Variants in OTOF observed in about 807,000 individuals in gnomAD.
OTOF encodes the protein otoferlin, also known as fer-1-like family member 2.
Under a neutral mutation model 236.8 loss-of-function variants are expected in OTOF, and 218 were observed. The ratio of observed to expected loss-of-function variants is 0.92; its 90% CI spans 0.82 to 1.03. The LOEUF (loss-of-function observed/expected upper bound fraction) is 1.03, where lower values mean the gene tolerates loss of function less well. Among genes scored for constraint, OTOF ranks in the 50% least tolerant of loss-of-function variants. The pLI is 0.00. For missense variants in OTOF, 2,590 were observed against 2,694.4 expected, an observed-to-expected ratio of 0.96 and a Z score of 0.86; for synonymous variants, 1,041 against 1,072.5, an observed-to-expected ratio of 0.97 and a Z score of 0.57.
intron 5 of OTOF, among the ~76,000 whole-genome samples, chr2:26,508,661 T>C (rs529427221): frequency 6.6e-6 from 1 of 152,244 alleles, no homozygotes; most frequent in Non-Finnish European, 1.5e-5. Context: ...TATCCCAGAA[T>C]GTCACACACT....
intron 1 of OTOF, among the ~76,000 whole-genome samples, chr2:26,551,095 T>A (rs1667450947): frequency 1.3e-5 from 2 of 152,218 alleles, no homozygotes; most frequent in African/African-American, 4.8e-5. Context: ...GTTCAAGCGA[T>A]TCTCCTGCCT....
rs901862524 is a variant in OTOF, at chr2:26,461,220, A to G, written c.5534-190T>C. On this transcript the variant is annotated intron_variant, in intron 43 of 46. Coordinates refer to ENST00000272371, the MANE Select transcript of OTOF (RefSeq NM_194248.3). The surrounding 1 kb of genome is among the most constrained non-coding windows in gnomAD (Gnocchi z 6.2). ...CCTCGTGGGCTTGCTAGGCAGCCCC[A>G]GCCCCCATGCTTTACTCAGGTCCTT... Among the ~76,000 whole-genome samples, 1 of 152,112 alleles carries G rather than the reference A, an allele frequency of 6.6e-6. No homozygotes were observed. The highest frequency in any genetic ancestry group is 1.5e-5 in the Non-Finnish European group (1 of 67,992).
In OTOF at chr2:26,470,700, TCTTCTC is replaced by T. The variant is rs1471564225; in HGVS notation, c.3910_3915del (p.Glu1304_Lys1305del). Reference sequence around the variant, plus strand: ...TCCGCAGTGCCCTTCTTCTTCTTCTTCTTCTCCTTCTCCTCCTCAGCCTGCAGGTTG... The same window carrying T: ...TCCGCAGTGCCCTTCTTCTTCTTCTTCTTCTCCTCCTCAGCCTGCAGGTTG... On this transcript the variant is annotated inframe_deletion, in exon 32 of 47. Transcript: ENST00000272371. The surrounding 1 kb of genome is among the most constrained non-coding windows in gnomAD (Gnocchi z 4.3). 1.2e-6 allele frequency: 2 copies of T among 1,613,434 alleles called. No individual in the cohort carries two copies. Among genetic ancestry groups the T allele is most frequent in the East Asian group, 2.2e-5 (1 of 44,886 alleles).
chr2:26,477,954 G>A lies in OTOF; in HGVS notation c.2215-205C>T. 1 of 1,352,770 alleles carries A rather than the reference G, an allele frequency of 7.4e-7. No individual in the cohort carries two copies. Among genetic ancestry groups the A allele is most frequent in the Non-Finnish European group, 9.4e-7 (1 of 1,066,844 alleles). 83.8% of individuals were successfully genotyped at this position (1,352,770 alleles called of 1,614,324 possible). A position where few individuals can be genotyped will look rare whatever the true frequency, so the allele number is the denominator to read the frequency against. Reference sequence around the variant, plus strand: ...AACCTGGAGATGTTGGTGTTCATGGGGGTTCTTCAGTTCCTGAAGGAAGAA... The same window carrying A: ...AACCTGGAGATGTTGGTGTTCATGGAGGTTCTTCAGTTCCTGAAGGAAGAA... On this transcript the variant is annotated intron_variant, in intron 18 of 46. Transcript: ENST00000272371. This position sits in a 1 kb window ranked among gnomAD's most constrained non-coding sequence, Gnocchi z 4.7.
chr2:26,495,137 G>T, intron 8 of OTOF, 64 bp from the exon 9 acceptor site: 5 of 1,585,872 alleles, frequency 3.2e-6, no homozygotes, highest in Non-Finnish European at 4.3e-6. Flanking sequence ...TGGTCCCGCA[G>T]GGGTCCAGGG....
chr2:26,509,535 A>G (rs1666332368), intron 5 of OTOF, among the ~76,000 whole-genome samples: 1 of 152,200 alleles, frequency 6.6e-6, no homozygotes, highest in South Asian at 2.1e-4. Context: ...TGAAGCAATG[A>G]ATGAGGCTGT....
chr2:26,468,314 G>A lies in OTOF; in HGVS notation c.4090+94C>T, dbSNP rs56265746. 26,757 of 929,942 alleles carry A rather than the reference G, an allele frequency of 0.029. 820 individuals are homozygous for A. Among genetic ancestry groups the A allele is most frequent in the East Asian group, 0.14 (5,813 of 41,652 alleles). 57.6% of individuals were successfully genotyped at this position (929,942 alleles called of 1,614,324 possible). A position where few individuals can be genotyped will look rare whatever the true frequency, so the allele number is the denominator to read the frequency against. On this transcript the variant is annotated intron_variant, in intron 33 of 46. Coordinates refer to ENST00000272371, the MANE Select transcript of OTOF (RefSeq NM_194248.3). Reference sequence around the variant, plus strand: ...GCTACTAAGGCTGGGAGGGCTGGCAGGAGGGAAAAGAGAAGCAGGTGATGA... The same window carrying A: ...GCTACTAAGGCTGGGAGGGCTGGCAAGAGGGAAAAGAGAAGCAGGTGATGA...
chr2:26,461,922 C>A lies in OTOF; in HGVS notation c.5307G>T (p.Gln1769His). 1 of 1,614,136 alleles carries A rather than the reference C, an allele frequency of 6.2e-7. No homozygotes were observed. The highest frequency in any genetic ancestry group is 8.5e-7 in the Non-Finnish European group (1 of 1,180,028). Reference sequence around the variant, plus strand: ...CGTCTGTGTCCTGCTTGTCCTCCTGCTGGCCCTTCAGCCACCTGTGGGCGC... The same window carrying A: ...CGTCTGTGTCCTGCTTGTCCTCCTGATGGCCCTTCAGCCACCTGTGGGCGC... ...DIFVRGWLKGQQEDKQDTDVH... is the reference protein window; with the variant it reads ...DIFVRGWLKGHQEDKQDTDVH... The change falls in exon 43 of 47, where the codon CAG (glutamine) becomes CAT (histidine). Residue 1769 changes from glutamine (Q) to histidine (H), a missense_variant. Gln to His is a conservative substitution (Grantham distance 24). Around this residue, in one of 2 missense-constraint regions of OTOF, gnomAD observed 1,211 missense variants for 1,352.8 expected, o/e 0.90. Transcript: ENST00000272371. The surrounding 1 kb of genome is among the most constrained non-coding windows in gnomAD (Gnocchi z 6.2).
Position 26,477,790 on chromosome 2 carries a change from G to T in OTOF, c.2215-41C>A. The T allele has an allele frequency of 1.2e-6, 2 of 1,604,896 alleles. No homozygotes were observed. Among genetic ancestry groups the T allele is most frequent in the Non-Finnish European group, 8.5e-7 (1 of 1,176,128 alleles). ...GTGGGTGATGCTGGGCCACAGCCCC[G>T]CCTCCCCAGCCTCCCCAAATGCCTC... is the stretch of plus-strand genomic sequence containing the variant. On this transcript the variant is annotated intron_variant, in intron 18 of 46. Transcript: ENST00000272371. The surrounding 1 kb of genome is among the most constrained non-coding windows in gnomAD (Gnocchi z 4.7).
intron 5 of OTOF, chr2:26,510,557 G>A: frequency 2.6e-6 from 1 of 387,426 alleles, no homozygotes; most frequent in African/African-American, 2.1e-5. Flanking sequence ...AGGCCTCCCT[G>A]GGCCTCCATG....
intron 5 of OTOF, among the ~76,000 whole-genome samples, chr2:26,506,214 C>A (rs1392929254): frequency 6.6e-6 from 1 of 152,210 alleles, no homozygotes; most frequent in Non-Finnish European, 1.5e-5. Flanking sequence ...TTTTGCCCAG[C>A]CGTGCTGCTC....
rs1032953792 is a variant in OTOF, at chr2:26,464,024, C to T, written c.5043G>A (p.Leu1681=). 2.5e-6 allele frequency: 4 copies of T among 1,613,642 alleles called. No individual in the cohort carries two copies. Among genetic ancestry groups the T allele is most frequent in the Non-Finnish European group, 3.4e-6 (4 of 1,180,032 alleles). Residue 1681 remains leucine, a synonymous_variant, in exon 40 of 47, where the codon CTG becomes CTA. Transcript: ENST00000272371. ...WEDIPRAGCR[L]VPEHVETRPL... is the part of the protein sequence containing the mutation. The stretch of plus-strand genomic sequence containing the variant: ...GCCTCGTCTCCACATGCTCTGGCAC[C>T]AGGCGGCAGCCTGCGCGGGGGATGT...
At chr2:26,497,439 T>C (rs1230739642) in intron 8 of OTOF, among the ~76,000 whole-genome samples, 1 of 152,208 alleles carries the variant, frequency 6.6e-6, no homozygotes, top group Non-Finnish European at 1.5e-5. Flanking sequence ...ATGCCTGTCA[T>C]CTTGGAGATT....
At position 26,483,569 on chromosome 2, in the gene OTOF, G is replaced by A. The variant is rs776374276; in HGVS notation, c.1285C>T (p.Leu429=). 1.2e-6 allele frequency: 2 copies of A among 1,613,956 alleles called. No individual in the cohort carries two copies. The highest frequency in any genetic ancestry group is 1.7e-6 in the Non-Finnish European group (2 of 1,180,018). Residue 429 remains leucine, a synonymous_variant, in exon 13 of 47, where the codon CTG becomes TTG. Transcript: ENST00000272371. ...ATGAGGCTTGTGTTCATACGGGGCA[G>A]CCCCTCTGCTCGGTAAATTTTCACA... ...FYVKIYRAEG[L]PRMNTSLMAN...
At chr2:26,489,600 A>AG (rs1665787517) in intron 10 of OTOF, 78 bp downstream of exon 10, 1 of 1,240,442 alleles carries the variant, frequency 8.1e-7, no homozygotes, top group South Asian at 1.2e-5. Flanking sequence ...GTCTAGACAG[A>AG]GGGGGCCCCT....
intron 1 of OTOF, among the ~76,000 whole-genome samples, chr2:26,557,441 T>C (rs1379793217): frequency 6.6e-6 from 1 of 152,162 alleles, no homozygotes; most frequent in Non-Finnish European, 1.5e-5. Context: ...AGAGTCAGCC[T>C]GGCCCTGCCT....
intron 2 of OTOF, among the ~76,000 whole-genome samples, chr2:26,534,452 A>T (rs1216455811): frequency 6.6e-6 from 1 of 152,148 alleles, no homozygotes; most frequent in Non-Finnish European, 1.5e-5. Flanking sequence ...GAAAGGAGAC[A>T]CCATGTCCAG....
At chr2:26,507,197 G>T (rs186005351) in intron 5 of OTOF, among the ~76,000 whole-genome samples, 8 of 152,326 alleles carry the variant, frequency 5.3e-5, no homozygotes, top group Non-Finnish European at 1.5e-5. Flanking sequence ...TGTAGTGAAG[G>T]ATGTAATTTC....
intron 14 of OTOF, among the ~76,000 whole-genome samples, chr2:26,481,368 C>T (rs899727289): frequency 1.3e-5 from 2 of 152,336 alleles, no homozygotes; most frequent in East Asian, 1.9e-4. Flanking sequence ...TGTCCCACCA[C>T]GGTGACCCTG....
Sources: gnomAD v4.1 joint callset for allele counts (sites outside exome capture counted in the v4.1 genomes callset) on GRCh38, gnomAD v4.1.1 for gene constraint, gnomAD v4.1.1 regional missense constraint, Gnocchi (gnomAD v3.1) non-coding constraint, MANE v1.5 for transcripts, NCBI Gene and HGNC (gene_info 2026-07-23, HGNC 2026-07-21) for gene names.